Variants in ADRA1B observed in about 807,000 individuals in gnomAD.
The protein encoded by ADRA1B is alpha-1B adrenergic receptor.
ADRA1B carries 17 observed loss-of-function variants against 17.9 expected under a neutral mutation model. That is an observed-to-expected ratio of 0.95 (90% CI 0.65 to 1.42). The LOEUF (loss-of-function observed/expected upper bound fraction) is 1.42. ADRA1B is among the 40% of genes most tolerant of loss of function. The pLI is 0.00. For missense variants in ADRA1B, 681 were observed against 722.1 expected, an observed-to-expected ratio of 0.94 and a Z score of 0.65; for synonymous variants, 366 against 327.6, an observed-to-expected ratio of 1.12 and a Z score of -1.27.
At chr5:159,983,500 G>A in the ADRA1B span, among the ~76,000 whole-genome samples, 16 of 152,146 alleles carry the variant, frequency 1.1e-4, no homozygotes, top group African/African-American at 2.9e-4. Context: ...CCCGCTCACC[G>A]CGTGCCATTG....
intron 1 of ADRA1B, among the ~76,000 whole-genome samples, chr5:159,931,058 C>T (rs1479401653): frequency 2.0e-5 from 3 of 146,892 alleles, no homozygotes; most frequent in Admixed American, 2.0e-4. Flanking sequence ...TAATATATCT[C>T]CCGCTCTGTG....
At chr5:159,987,275 C>T in the ADRA1B span, among the ~76,000 whole-genome samples, 11 of 152,370 alleles carry the variant, frequency 7.2e-5, no homozygotes, top group East Asian at 1.7e-3. Context: ...CCAGGAGCTC[C>T]GATCCTCCTG....
intron 1 of ADRA1B, among the ~76,000 whole-genome samples, chr5:159,963,288 G>GTATATATATATATATGTATA (rs779436118): frequency 7.5e-6 from 1 of 132,702 alleles, no homozygotes; most frequent in Non-Finnish European, 1.6e-5. Context: ...AACAAAAAAA[G>GTATATATATATATATGTATA]TATATATATA....
intron 1 of ADRA1B, among the ~76,000 whole-genome samples, chr5:159,905,774 T>A (rs1301840220): frequency 6.6e-6 from 1 of 152,072 alleles, no homozygotes; most frequent in East Asian, 1.9e-4. Flanking sequence ...GGCAGGACAG[T>A]CTTCCCTGAG....
chr5:159,908,845 G>A (rs185289), intron 1 of ADRA1B, among the ~76,000 whole-genome samples: 125,518 of 152,172 alleles, frequency 0.82, 52,212 homozygotes, highest in African/African-American at 0.92. Flanking sequence ...AGTGGGTAGC[G>A]CTCCAAAGGG....
rs2229181 is a variant in ADRA1B at position 159,917,076 on chromosome 5, C to G, written c.171C>G (p.Leu57=). 1.9e-6 allele frequency: 3 copies of G among 1,614,166 alleles called. No individual in the cohort carries two copies. The highest frequency in any genetic ancestry group is 2.5e-6 in the Non-Finnish European group (3 of 1,180,024). ...SVGLVLGAFI[L]FAIVGNILVI... ...GCCTGGTGCTGGGCGCCTTCATCCT[C>G]TTTGCCATCGTGGGCAACATCCTAG... Residue 57 remains leucine (L), a synonymous_variant, in exon 1 of 2, where the codon CTC becomes CTG. Coordinates refer to ENST00000306675, the MANE Select transcript of ADRA1B (RefSeq NM_000679.4).
rs764414699 is a variant in ADRA1B, at chr5:159,917,875, A to G, written c.949+21A>G. The G allele has an allele frequency of 7.0e-6, 11 of 1,568,862 alleles. No homozygotes were observed. The African/African-American group carries it at 1.4e-4, about 19-fold the overall frequency. Reference sequence around the variant, plus strand: ...GCTTGGTAAGTTGGGGACTAGCAGCAGGGGGACTGGGCATTTTTGGACCTT... The same window carrying G: ...GCTTGGTAAGTTGGGGACTAGCAGCGGGGGGACTGGGCATTTTTGGACCTT... On this transcript the variant is annotated intron_variant, in intron 1 of 1. Transcript: ENST00000306675.
At chr5:159,906,520 C>A (rs899861561) in intron 1 of ADRA1B, among the ~76,000 whole-genome samples, 2 of 152,214 alleles carry the variant, frequency 1.3e-5, no homozygotes, top group African/African-American at 4.8e-5. Flanking sequence ...CATTTCAAAC[C>A]TGCTGAATTA....
At chr5:159,930,422 G>A (rs1461264652) in intron 1 of ADRA1B, among the ~76,000 whole-genome samples, 1 of 152,198 alleles carries the variant, frequency 6.6e-6, no homozygotes, top group African/African-American at 2.4e-5. Flanking sequence ...CTGAGGTCAG[G>A]AGTTCAAGAC....
chr5:159,925,921 G>A (rs533507725), intron 1 of ADRA1B, among the ~76,000 whole-genome samples: 184 of 152,342 alleles, frequency 1.2e-3, no homozygotes, highest in African/African-American at 4.4e-3. Flanking sequence ...CTCAGGTCGT[G>A]TAGGGTCCCA....
chr5:159,931,776 G>GTCC (rs1254056646), intron 1 of ADRA1B, among the ~76,000 whole-genome samples: 1 of 152,178 alleles, frequency 6.6e-6, no homozygotes, highest in Non-Finnish European at 1.5e-5. Context: ...ACTTCTATGT[G>GTCC]TCCTCACATG....
rs201733739 is a variant in ADRA1B, at chr5:159,971,112, TTTTA to T, written c.950-763_950-760del. Among the ~76,000 whole-genome samples, 860 of 152,332 alleles carry T rather than the reference TTTTA, an allele frequency of 5.6e-3. 6 individuals are homozygous for T. The highest frequency in any genetic ancestry group is 0.019 in the African/African-American group (801 of 41,566). On this transcript the variant is annotated intron_variant, in intron 1 of 1. Coordinates refer to ENST00000306675, the MANE Select transcript of ADRA1B (RefSeq NM_000679.4). ...CCACTGCACTCAGCCTCTTTGCGGT[TTTTA>T]TTTGATTGCCTAATATTTTGATTAT...
Position 159,951,290 on chromosome 5 carries a change from A to G in ADRA1B, c.950-20589A>G, listed in dbSNP as rs1291442375. The G allele has an allele frequency of 3.8e-6, 5 of 1,320,570 alleles. No individual in the cohort carries two copies. In the East Asian group the frequency reaches 1.1e-4, roughly 30 times the overall value. 81.8% of individuals were successfully genotyped at this position (1,320,570 alleles called of 1,614,324 possible). A position where few individuals can be genotyped will look rare whatever the true frequency, so the allele number is the denominator to read the frequency against. On this transcript the variant is annotated intron_variant, in intron 1 of 1. Coordinates refer to ENST00000306675, the MANE Select transcript of ADRA1B (RefSeq NM_000679.4). ...CCTGGAAGATGGTGATGGGATTTCC[A>G]TTGATGACAAGCTTCCCTTTCTCAG...
At chr5:159,920,722 G>A (rs1391226049) in intron 1 of ADRA1B, among the ~76,000 whole-genome samples, 1 of 152,136 alleles carries the variant, frequency 6.6e-6, no homozygotes, top group Non-Finnish European at 1.5e-5. Flanking sequence ...TAATGATTCA[G>A]GAAGAGCATT....
At chr5:159,913,466 C>T (rs1015594600), upstream of ADRA1B, among the ~76,000 whole-genome samples, 1 of 152,202 alleles carries the variant, frequency 6.6e-6, no homozygotes, top group African/African-American at 2.4e-5. Flanking sequence ...ACAGTGAGAT[C>T]TTTGTTTTGC....
upstream of ADRA1B, among the ~76,000 whole-genome samples, chr5:159,911,904 G>C (rs1754230547): frequency 6.6e-6 from 1 of 152,162 alleles, no homozygotes; most frequent in Non-Finnish European, 1.5e-5. Flanking sequence ...CTCATTTACT[G>C]GGTGTTGTGT....
chr5:159,892,292 AT>A (rs1753991060), intron 1 of ADRA1B, among the ~76,000 whole-genome samples: 1 of 152,194 alleles, frequency 6.6e-6, no homozygotes, highest in East Asian at 1.9e-4. Flanking sequence ...GTCACTGAAC[AT>A]TTTTATGAGC....
At chr5:159,914,288 CTG>C (rs1194103818), upstream of ADRA1B, among the ~76,000 whole-genome samples, 4 of 152,206 alleles carry the variant, frequency 2.6e-5, no homozygotes, top group Non-Finnish European at 5.9e-5. Context: ...TCACACCCCA[CTG>C]TGTAGGTCAT....
intron 1 of ADRA1B, among the ~76,000 whole-genome samples, chr5:159,948,876 CTAAG>C (rs1434286177): frequency 5.5e-4 from 83 of 152,046 alleles, no homozygotes; most frequent in African/African-American, 1.9e-3. Context: ...AGATACTGTA[CTAAG>C]TGTTTTACAT....
Sources: allele counts gnomAD v4.1 joint callset (sites outside exome capture counted in the v4.1 genomes callset), GRCh38; gene constraint gnomAD v4.1.1; transcripts MANE v1.5; gene names NCBI Gene and HGNC (gene_info 2026-07-23, HGNC 2026-07-21).